The following PTPRM variants were observed in gnomAD, a reference collection of about 807,000 sequenced individuals.
PTPRM encodes protein tyrosine phosphatase receptor type M.
In PTPRM, 47 loss-of-function variants were observed where a neutral mutation model predicts 186.7. The ratio of observed to expected loss-of-function variants is 0.25; its 90% CI spans 0.20 to 0.32. The LOEUF (loss-of-function observed/expected upper bound fraction) is 0.32, where lower values mean the gene tolerates loss of function less well. PTPRM is among the 10% of genes least tolerant of loss of function. The pLI is 1.00. For synonymous variants in PTPRM, 668 were observed against 674.9 expected (o/e 0.99, Z 0.16); for missense variants, 1,494 against 1,865.0 (o/e 0.80, Z 3.66).
chr18:7,953,677 A>G (rs947707322), intron 6 of PTPRM, among the ~76,000 whole-genome samples: 17 of 152,180 alleles, frequency 1.1e-4, no homozygotes, highest in African/African-American at 4.1e-4. Context: ...CAACCAACTC[A>G]ACAAAGGGAA....
intron 5 of PTPRM, among the ~76,000 whole-genome samples, chr18:7,939,090 A>G (rs1325926556): frequency 6.6e-6 from 1 of 152,214 alleles, no homozygotes; most frequent in African/African-American, 2.4e-5. Context: ...TGCATAAGAT[A>G]TTTCAAACAA....
At chr18:7,851,151 A>T (rs1028779562) in intron 2 of PTPRM, among the ~76,000 whole-genome samples, 1 of 152,198 alleles carries the variant, frequency 6.6e-6, no homozygotes, top group African/African-American at 2.4e-5. Context: ...TACAGAAAAA[A>T]GTATTTAACT....
intron 1 of PTPRM, among the ~76,000 whole-genome samples, chr18:7,735,568 T>C (rs960672133): frequency 2.0e-5 from 3 of 152,160 alleles, no homozygotes; most frequent in African/African-American, 4.8e-5. Flanking sequence ...CCCTAAAATA[T>C]GTCTCTAAAT....
At chr18:8,077,514 G>T (rs2148490959) in intron 9 of PTPRM, among the ~76,000 whole-genome samples, 1 of 152,156 alleles carries the variant, frequency 6.6e-6, no homozygotes, top group East Asian at 1.9e-4. Flanking sequence ...GTTGATTTTT[G>T]TACTGTTATT....
In PTPRM at chr18:8,398,829, TG is replaced by T. The variant is rs151205886; in HGVS notation, c.4344+4219del. ...AAAGGCCACATATTCTATGACTCCT[TG>T]TCTGTGAAATGTTCAAAACAGACAA... On this transcript the variant is annotated intron_variant, in intron 32 of 32. Coordinates refer to ENST00000580170, the MANE Select transcript of PTPRM (RefSeq NM_001105244.2). Among the ~76,000 whole-genome samples, 1,282 of 151,826 alleles carry T rather than the reference TG, an allele frequency of 8.4e-3. 13 individuals are homozygous for T. Among genetic ancestry groups the T allele is most frequent in the African/African-American group, 0.03 (1,226 of 41,352 alleles).
intron 13 of PTPRM, among the ~76,000 whole-genome samples, chr18:8,126,914 G>A (rs956533429): frequency 1.3e-5 from 2 of 152,104 alleles, no homozygotes; most frequent in Admixed American, 1.3e-4. Flanking sequence ...AAAAGGATGT[G>A]TGGGGTGAGC....
At chr18:7,890,131 A>G (rs1248843794) in intron 3 of PTPRM, among the ~76,000 whole-genome samples, 1 of 152,206 alleles carries the variant, frequency 6.6e-6, no homozygotes, top group Non-Finnish European at 1.5e-5. Flanking sequence ...CAGTATTGAA[A>G]ATACTCAATT....
chr18:7,892,399 A>T (rs1459522119), intron 3 of PTPRM, among the ~76,000 whole-genome samples: 1 of 152,208 alleles, frequency 6.6e-6, no homozygotes, highest in African/African-American at 2.4e-5. Flanking sequence ...GTTAAACTAC[A>T]TTGAGAGTAA....
chr18:7,926,827 C>T, intron 5 of PTPRM, 144 bp downstream of exon 5: 1 of 471,640 alleles, frequency 2.1e-6, no homozygotes, highest in Non-Finnish European at 3.6e-6. Context: ...ACTTAGTAAT[C>T]TATAAAAGCT....
chr18:7,983,356 C>T (rs1053787927), intron 7 of PTPRM, among the ~76,000 whole-genome samples: 4 of 152,104 alleles, frequency 2.6e-5, no homozygotes, highest in African/African-American at 9.7e-5. Flanking sequence ...ATCCCCCCAA[C>T]CTGGTTAGTG....
intron 20 of PTPRM, among the ~76,000 whole-genome samples, chr18:8,305,825 C>A (rs570726044): frequency 3.5e-4 from 53 of 152,268 alleles, no homozygotes; most frequent in African/African-American, 1.3e-3. Context: ...AGTAAGCATA[C>A]TGGCTCTTTG....
intron 4 of PTPRM, among the ~76,000 whole-genome samples, chr18:7,912,543 A>G (rs112453238): frequency 0.27 from 40,666 of 151,382 alleles, 5,767 homozygotes; most frequent in East Asian, 0.44. Context: ...ACAGAGTCTC[A>G]CTCTGTTGCC....
chr18:7,979,877 G>A (rs1018342086), intron 7 of PTPRM, among the ~76,000 whole-genome samples: 1 of 152,144 alleles, frequency 6.6e-6, no homozygotes, highest in Non-Finnish European at 1.5e-5. Flanking sequence ...TGCCTGAAAA[G>A]GACTGAGGGT....
At chr18:7,843,023 A>ATGT (rs1273894781) in intron 2 of PTPRM, among the ~76,000 whole-genome samples, 1 of 148,992 alleles carries the variant, frequency 6.7e-6, no homozygotes, top group African/African-American at 2.5e-5. Context: ...TAGTGCCTTT[A>ATGT]TGTTTCTCAT....
chr18:8,385,333 C>G (rs763677763), intron 30 of PTPRM, among the ~76,000 whole-genome samples: 1 of 152,168 alleles, frequency 6.6e-6, no homozygotes, highest in East Asian at 1.9e-4. Context: ...CAATAAATAA[C>G]AGATACAATA....
intron 14 of PTPRM, among the ~76,000 whole-genome samples, chr18:8,213,237 C>T (rs1291105346): frequency 1.3e-5 from 2 of 152,170 alleles, no homozygotes; most frequent in Admixed American, 6.5e-5. Context: ...TTCTTGCACA[C>T]GAAAGGTAAC....
chr18:8,149,098 G>A (rs575015554), intron 14 of PTPRM, among the ~76,000 whole-genome samples: 27 of 152,270 alleles, frequency 1.8e-4, no homozygotes, highest in Admixed American at 3.9e-4. Flanking sequence ...AAATAAGTGT[G>A]ATGAGGTGAA....
At chr18:7,772,906 ATAG>A (rs2042397135) in intron 1 of PTPRM, among the ~76,000 whole-genome samples, 1 of 152,168 alleles carries the variant, frequency 6.6e-6, no homozygotes, top group African/African-American at 2.4e-5. Flanking sequence ...CATTATATGG[ATAG>A]TAGAATTTTC....
intron 1 of PTPRM, among the ~76,000 whole-genome samples, chr18:7,586,191 G>A (rs1334331068): frequency 6.6e-6 from 1 of 152,152 alleles, no homozygotes; most frequent in African/African-American, 2.4e-5. Flanking sequence ...GTCTACATCA[G>A]ACAGGCTTAC....
Sources: gnomAD v4.1 joint callset for allele counts (sites outside exome capture counted in the v4.1 genomes callset) on GRCh38, gnomAD v4.1.1 for gene constraint, MANE v1.5 for transcripts, NCBI Gene and HGNC (gene_info 2026-07-23, HGNC 2026-07-21) for gene names.